Variants in CLIC4 observed in about 807,000 individuals in gnomAD.
CLIC4 encodes the protein chloride intracellular channel protein 4.
CLIC4 carries 13 observed loss-of-function variants against 24.6 expected under a neutral mutation model. That is an observed-to-expected ratio of 0.53 (90% confidence interval 0.34 to 0.84). CLIC4 has a LOEUF of 0.84. Among genes scored for constraint, CLIC4 ranks in the 40% least tolerant of loss-of-function variants. The pLI is 0.01. For synonymous variants in CLIC4, 104 were observed against 111.3 expected, an observed-to-expected ratio of 0.93 and a Z score of 0.41; for missense variants, 227 against 301.7, an observed-to-expected ratio of 0.75 and a Z score of 1.83.
chr1:24,820,096 T>TAGAC (rs1335563081), intron 3 of CLIC4, among the ~76,000 whole-genome samples: 3 of 109,898 alleles, frequency 2.7e-5, no homozygotes, highest in Non-Finnish European at 3.9e-5. Context: ...TATATATATA[T>TAGAC]AGACAGTATC....
At chr1:24,824,305 G>T (rs72654702) in intron 3 of CLIC4, among the ~76,000 whole-genome samples, 298 of 152,128 alleles carry the variant, frequency 2.0e-3, no homozygotes, top group Non-Finnish European at 3.1e-3. Context: ...GTCTCGCTCT[G>T]TCACCCGGGC....
At chr1:24,821,044 A>C (rs1257223302) in intron 3 of CLIC4, among the ~76,000 whole-genome samples, 1 of 151,902 alleles carries the variant, frequency 6.6e-6, no homozygotes, top group African/African-American at 2.4e-5. Context: ...AATTAGCTGG[A>C]TATGGTGGCA....
chr1:24,823,798 A>T (rs1249807100), intron 3 of CLIC4, among the ~76,000 whole-genome samples: 1 of 151,154 alleles, frequency 6.6e-6, no homozygotes, highest in Non-Finnish European at 1.5e-5. Context: ...AAAAAGACAT[A>T]CAAAAAAGGA....
chr1:24,801,427 C>G (rs1431112165), intron 2 of CLIC4, among the ~76,000 whole-genome samples: 1 of 152,178 alleles, frequency 6.6e-6, no homozygotes, highest in Admixed American at 6.5e-5. Context: ...CTTGTGAGAA[C>G]TCACTCTCTG....
intron 3 of CLIC4, among the ~76,000 whole-genome samples, chr1:24,815,394 C>T (rs531774651): frequency 2.0e-5 from 3 of 152,042 alleles, no homozygotes; most frequent in African/African-American, 4.8e-5. Flanking sequence ...CCCAGCTACT[C>T]GGGAGGCTGA....
At chr1:24,768,370 G>C (rs774880700) in intron 1 of CLIC4, among the ~76,000 whole-genome samples, 2 of 152,074 alleles carry the variant, frequency 1.3e-5, no homozygotes, top group Non-Finnish European at 2.9e-5. Flanking sequence ...TTTATCTAAT[G>C]CTTTCTTTAA....
At chr1:24,793,907 T>C (rs1437915967) in intron 1 of CLIC4, among the ~76,000 whole-genome samples, 1 of 152,216 alleles carries the variant, frequency 6.6e-6, no homozygotes, top group African/African-American at 2.4e-5. Flanking sequence ...AGAGTTACTT[T>C]AGGATAATGA....
chr1:24,787,217 G>A lies in CLIC4; in HGVS notation c.73-10525G>A, dbSNP rs925372372. On this transcript the variant is annotated intron_variant, in intron 1 of 5. Transcript: ENST00000374379. ...ATCATAACTTTATGTAATCCAGGCC[G>A]GGTATAGTGGCTCACACCTGTAATC... Among the ~76,000 whole-genome samples the A allele has an allele frequency of 7.9e-5, 12 of 152,034 alleles. No individual in the cohort carries two copies. The South Asian group carries it at 2.3e-3, about 29-fold the overall frequency.
At chr1:24,814,070 T>A (rs1639644275) in intron 2 of CLIC4, 24 bp from the exon 3 acceptor site, 3 of 1,612,372 alleles carry the variant, frequency 1.9e-6, no homozygotes, top group Non-Finnish European at 2.5e-6. Flanking sequence ...ATGATCTGAT[T>A]TTGACCAATA....
At chr1:24,783,403 C>G (rs1303382017) in intron 1 of CLIC4, among the ~76,000 whole-genome samples, 2 of 151,818 alleles carry the variant, frequency 1.3e-5, no homozygotes, top group African/African-American at 4.8e-5. Flanking sequence ...TAGTATAATA[C>G]AGTAATAAAA....
At chr1:24,754,812 C>T (rs1638823348) in intron 1 of CLIC4, among the ~76,000 whole-genome samples, 1 of 152,060 alleles carries the variant, frequency 6.6e-6, no homozygotes, top group African/African-American at 2.4e-5. Flanking sequence ...TGGCTCACAC[C>T]TGTAATCCCA....
chr1:24,759,317 T>G (rs1000013824), intron 1 of CLIC4, among the ~76,000 whole-genome samples: 1 of 152,310 alleles, frequency 6.6e-6, no homozygotes, highest in East Asian at 1.9e-4. Context: ...ATACTTTCCA[T>G]GCACTAAGTG....
intron 2 of CLIC4, among the ~76,000 whole-genome samples, chr1:24,808,785 T>G (rs1039175137): frequency 1.3e-5 from 2 of 151,714 alleles, no homozygotes; most frequent in African/African-American, 4.8e-5. Flanking sequence ...CAAGCGATTC[T>G]CCTGCCTTAG....
At chr1:24,799,733 G>A (rs1461348146) in intron 2 of CLIC4, among the ~76,000 whole-genome samples, 5 of 135,516 alleles carry the variant, frequency 3.7e-5, no homozygotes, top group African/African-American at 1.1e-4. Context: ...CAGCCGCCCC[G>A]TCCGGGAGGG....
chr1:24,825,463 A>G (rs928903512), intron 3 of CLIC4, among the ~76,000 whole-genome samples: 1 of 152,194 alleles, frequency 6.6e-6, no homozygotes, highest in African/African-American at 2.4e-5. Context: ...AAAGGGCCCT[A>G]TAGTTGGCGA....
chr1:24,755,995 GAT>G (rs1491524869), intron 1 of CLIC4, among the ~76,000 whole-genome samples: 1 of 114,114 alleles, frequency 8.8e-6, no homozygotes, highest in Non-Finnish European at 1.8e-5. Flanking sequence ...CTAATTTTTT[GAT>G]TTTTTTTTTT....
chr1:24,758,296 T>C (rs954572281), intron 1 of CLIC4, among the ~76,000 whole-genome samples: 4 of 151,938 alleles, frequency 2.6e-5, no homozygotes, highest in Non-Finnish European at 4.4e-5. Flanking sequence ...TTGTTGCTAT[T>C]GTATGTCCTA....
At chr1:24,776,170 G>A (rs1252698384) in intron 1 of CLIC4, among the ~76,000 whole-genome samples, 1 of 152,036 alleles carries the variant, frequency 6.6e-6, no homozygotes, top group Non-Finnish European at 1.5e-5. Context: ...CCCTGTGCTG[G>A]TTCTCTCTCT....
chr1:24,808,496 G>A (rs1639577471), intron 2 of CLIC4, among the ~76,000 whole-genome samples: 1 of 151,880 alleles, frequency 6.6e-6, no homozygotes, highest in Non-Finnish European at 1.5e-5. Flanking sequence ...CAGTACAACT[G>A]CAACCGCCCC....
Sources: allele counts gnomAD v4.1 joint callset (sites outside exome capture counted in the v4.1 genomes callset), GRCh38; gene constraint gnomAD v4.1.1; transcripts MANE v1.5; gene names NCBI Gene and HGNC (gene_info 2026-07-23, HGNC 2026-07-21).